RSRC1: variants seen among roughly 807,000 people sequenced by gnomAD.
The protein encoded by RSRC1 is arginine and serine rich coiled-coil 1.
A neutral mutation model predicts 49.1 loss-of-function variants in RSRC1; 39 were observed. That is an observed-to-expected ratio of 0.79 (90% confidence interval 0.61 to 1.04). The LOEUF (loss-of-function observed/expected upper bound fraction) is 1.04. Ranked by LOEUF, RSRC1 falls within the 50% of genes least tolerant of loss-of-function variation. The pLI is 0.00. For missense variants in RSRC1, 388 were observed against 402.4 expected (o/e 0.96, Z 0.31); for synonymous variants, 143 against 130.8 (o/e 1.09, Z -0.63).
intron 7 of RSRC1, among the ~76,000 whole-genome samples, chr3:158,471,827 G>T (rs536210908): frequency 6.6e-6 from 1 of 152,124 alleles, no homozygotes; most frequent in Non-Finnish European, 1.5e-5. Context: ...TCCAACCAAC[G>T]TAGACATTAT....
intron 5 of RSRC1, among the ~76,000 whole-genome samples, chr3:158,326,515 T>G (rs1729153180): frequency 6.6e-6 from 1 of 152,206 alleles, no homozygotes; most frequent in Non-Finnish European, 1.5e-5. Context: ...TGGTTCTGTG[T>G]ATATGCTGGA....
At chr3:158,203,629 T>C (rs1721195083) in intron 4 of RSRC1, among the ~76,000 whole-genome samples, 1 of 152,178 alleles carries the variant, frequency 6.6e-6, no homozygotes, top group Admixed American at 6.6e-5. Context: ...TAAAAATGTC[T>C]ATTACCATAT....
At chr3:158,137,523 A>C (rs1716453391) in intron 3 of RSRC1, among the ~76,000 whole-genome samples, 2 of 152,024 alleles carry the variant, frequency 1.3e-5, no homozygotes, top group Admixed American at 1.3e-4. Flanking sequence ...CATTGTTTAG[A>C]TCTAAAAGGA....
intron 4 of RSRC1, among the ~76,000 whole-genome samples, chr3:158,278,588 G>C (rs1578277540): frequency 6.6e-6 from 1 of 152,188 alleles, no homozygotes; most frequent in Non-Finnish European, 1.5e-5. Context: ...AAACCGCTTG[G>C]ACTCATTTGC....
At chr3:158,285,524 G>T (rs1369098344) in intron 4 of RSRC1, among the ~76,000 whole-genome samples, 4 of 152,198 alleles carry the variant, frequency 2.6e-5, no homozygotes, top group Admixed American at 6.5e-5. Context: ...CTACCCATGA[G>T]CATGGAATGT....
chr3:158,358,171 T>C (rs1215231198), intron 6 of RSRC1, among the ~76,000 whole-genome samples: 1 of 152,198 alleles, frequency 6.6e-6, no homozygotes, highest in East Asian at 1.9e-4. Context: ...AATTTGAGTC[T>C]GAGATTTTAT....
chr3:158,530,913 T>TA (rs200580489), intron 7 of RSRC1, among the ~76,000 whole-genome samples: 32,171 of 95,206 alleles, frequency 0.34, 4,438 homozygotes, highest in South Asian at 0.45. Flanking sequence ...AAATAATAAA[T>TA]AAAAAAAAAA....
In RSRC1 at chr3:158,539,360, T is replaced by C. The variant is rs1044889414; in HGVS notation, c.759+2162T>C. Among the ~76,000 whole-genome samples the C allele has an allele frequency of 3.3e-5, 5 of 152,104 alleles. No individual in the cohort carries two copies. The highest frequency in any genetic ancestry group is 5.9e-5 in the Non-Finnish European group (4 of 67,970). On this transcript the variant is annotated intron_variant, in intron 8 of 9. Transcript: ENST00000611884. This position sits in a 1 kb window ranked among gnomAD's most constrained non-coding sequence, Gnocchi z 4.1. ...GTGTCTCCTGCAACACATATTGATT[T>C]AACTAGTTTTACTCTCTGAAATCGT...
At chr3:158,351,318 C>A (rs6441188) in intron 5 of RSRC1, among the ~76,000 whole-genome samples, 65,282 of 152,060 alleles carry the variant, frequency 0.43, 14,882 homozygotes, top group South Asian at 0.6. Flanking sequence ...AACTTATTCA[C>A]CAGTCACGCT....
At chr3:158,328,056 C>T (rs1304525987) in intron 5 of RSRC1, among the ~76,000 whole-genome samples, 12 of 152,018 alleles carry the variant, frequency 7.9e-5, no homozygotes, top group African/African-American at 2.4e-4. Flanking sequence ...GATTGCAACC[C>T]CTGCCTTTTT....
chr3:158,195,455 T>C (rs563184216), intron 3 of RSRC1, among the ~76,000 whole-genome samples: 1 of 152,214 alleles, frequency 6.6e-6, no homozygotes, highest in South Asian at 2.1e-4. Context: ...GGTTGCCTGT[T>C]CACTCTGATG....
intron 6 of RSRC1, among the ~76,000 whole-genome samples, chr3:158,421,797 T>C (rs1020452796): frequency 6.6e-6 from 1 of 151,880 alleles, no homozygotes; most frequent in African/African-American, 2.4e-5. Context: ...AAAACTTCCT[T>C]GCCTGCCCAC....
chr3:158,129,968 A>G (rs1168872124), intron 3 of RSRC1, among the ~76,000 whole-genome samples: 1 of 152,212 alleles, frequency 6.6e-6, no homozygotes, highest in Non-Finnish European at 1.5e-5. Context: ...TGTAGTTTTC[A>G]TTATAGTGGT....
chr3:158,223,472 C>T (rs760344272), intron 4 of RSRC1, among the ~76,000 whole-genome samples: 2 of 151,614 alleles, frequency 1.3e-5, no homozygotes, highest in Non-Finnish European at 3.0e-5. Context: ...AATTCAAACT[C>T]TAATAATTAT....
chr3:158,467,104 TACTC>T (rs1737924683), intron 7 of RSRC1, among the ~76,000 whole-genome samples: 1 of 152,208 alleles, frequency 6.6e-6, no homozygotes, highest in Non-Finnish European at 1.5e-5. Context: ...CTATTGTTGT[TACTC>T]AGAATTGCAA....
chr3:158,310,667 T>TA (rs1258706702), intron 5 of RSRC1, among the ~76,000 whole-genome samples: 2 of 151,764 alleles, frequency 1.3e-5, no homozygotes, highest in Non-Finnish European at 3.0e-5. Flanking sequence ...CTTTTAAAAA[T>TA]ATGTTTTAAA....
At chr3:158,246,024 A>G (rs567822957) in intron 4 of RSRC1, among the ~76,000 whole-genome samples, 37 of 152,112 alleles carry the variant, frequency 2.4e-4, no homozygotes, top group Non-Finnish European at 3.8e-4. Flanking sequence ...TGGGGCATTT[A>G]TACCATTTAC....
chr3:158,439,969 C>CA (rs1560043544), intron 6 of RSRC1, among the ~76,000 whole-genome samples: 1 of 151,918 alleles, frequency 6.6e-6, no homozygotes, highest in African/African-American at 2.4e-5. Context: ...ACCTAGAGCA[C>CA]AAAAAAGGCA....
chr3:158,299,861 A>G (rs1727439598), intron 5 of RSRC1, among the ~76,000 whole-genome samples: 1 of 152,182 alleles, frequency 6.6e-6, no homozygotes, highest in Non-Finnish European at 1.5e-5. Context: ...TCGGCTGCCC[A>G]GAAAGCTCTC....
Sources: gnomAD v4.1 joint callset for allele counts (sites outside exome capture counted in the v4.1 genomes callset) on GRCh38, gnomAD v4.1.1 for gene constraint, Gnocchi (gnomAD v3.1) non-coding constraint, MANE v1.5 for transcripts, NCBI Gene and HGNC (gene_info 2026-07-23, HGNC 2026-07-21) for gene names.